The following ARVCF variants were observed in gnomAD, a reference collection of about 807,000 sequenced individuals.
The protein encoded by ARVCF is splicing regulator ARVCF.
A neutral mutation model predicts 90.9 loss-of-function variants in ARVCF; 66 were observed. The observed-to-expected ratio is 0.73, with a 90% confidence interval of 0.60 to 0.89. The LOEUF (loss-of-function observed/expected upper bound fraction) is 0.89, where lower values mean the gene tolerates loss of function less well. Among genes scored for constraint, ARVCF ranks in the 40% least tolerant of loss-of-function variants. The probability of loss-of-function intolerance (pLI) is 0.00; values close to 1 mark genes in which losing one functional copy is unlikely to be tolerated. For synonymous variants in ARVCF, 653 were observed against 603.4 expected (o/e 1.08, Z -1.21); for missense variants, 1,469 against 1,382.3 (o/e 1.06, Z -1.00).
At chr22:19,967,085 G>C, downstream of ARVCF, 1 of 1,239,096 alleles carries the variant, frequency 8.1e-7, no homozygotes, top group South Asian at 1.4e-5. Flanking sequence ...TCGTAAAGGA[G>C]TGGGCCCCTG....
intron 2 of ARVCF, among the ~76,000 whole-genome samples, chr22:19,997,281 G>C (rs1287956769): frequency 6.6e-6 from 1 of 152,160 alleles, no homozygotes; most frequent in African/African-American, 2.4e-5. Flanking sequence ...CAGGTGAGCA[G>C]GCAGGGCAGG....
intron 1 of ARVCF, among the ~76,000 whole-genome samples, chr22:20,011,994 T>C (rs995781424): frequency 6.6e-6 from 1 of 152,050 alleles, no homozygotes; most frequent in African/African-American, 2.4e-5. Context: ...ATACCCCATT[T>C]TACACATGGA....
intron 11 of ARVCF, 61 bp downstream of exon 11, chr22:19,975,624 AC>A: frequency 6.3e-7 from 1 of 1,590,828 alleles, no homozygotes; most frequent in East Asian, 2.2e-5. Context: ...AAGCTTCACT[AC>A]CAGGGCAATC....
chr22:19,979,128 C>A, intron 6 of ARVCF, 48 bp from the exon 7 acceptor site: 1 of 1,575,436 alleles, frequency 6.3e-7, no homozygotes, highest in South Asian at 1.2e-5. Context: ...GCACCGCCTG[C>A]CTACCTCCCC....
intron 3 of ARVCF, among the ~76,000 whole-genome samples, chr22:19,982,748 A>C (rs1414161311): frequency 6.6e-6 from 1 of 152,176 alleles, no homozygotes; most frequent in African/African-American, 2.4e-5. Flanking sequence ...TCCAGCCCAG[A>C]CATTCTTGAG....
chr22:19,971,899 T>G lies in ARVCF; in HGVS notation c.2768A>C (p.Lys923Thr), dbSNP rs377217563. 4 of 1,613,350 alleles carry G rather than the reference T, an allele frequency of 2.5e-6. No individual in the cohort carries two copies. In the South Asian group the frequency reaches 3.3e-5, roughly 13 times the overall value. The change falls in exon 18 of 20, where the codon AAG becomes ACG. Residue 923 changes from lysine (K) to threonine (T), a missense_variant. Physicochemically the swap from Lys to Thr is moderately conservative, Grantham distance 78. Transcript: ENST00000263207. ...GASSAGEASEKEPLKLDPSRK... is the reference protein window; with the variant it reads ...GASSAGEASETEPLKLDPSRK... ...ATGACCACTTACTTTCAAGGGTTCC[T>G]TCTCAGAGGCCTCTCCTGCAGAGCT...
intron 3 of ARVCF, among the ~76,000 whole-genome samples, chr22:19,988,193 A>C (rs1943891317): frequency 6.6e-6 from 1 of 152,140 alleles, no homozygotes; most frequent in Non-Finnish European, 1.5e-5. Flanking sequence ...CCACTCGGCT[A>C]GCATGCTCAA....
intron 1 of ARVCF, among the ~76,000 whole-genome samples, chr22:20,015,671 C>G (rs1400392692): frequency 6.6e-6 from 1 of 152,096 alleles, no homozygotes; most frequent in East Asian, 1.9e-4. Flanking sequence ...TGGCCCATAC[C>G]ATAGGGGAGG....
downstream of ARVCF, chr22:19,965,162 AG>A (rs1232214611): frequency 6.4e-6 from 1 of 155,276 alleles, no homozygotes; most frequent in East Asian, 1.9e-4. Context: ...AGAATGTTCC[AG>A]GAACAATGGG....
chr22:19,980,474 G>T, intron 5 of ARVCF: 1 of 554,532 alleles, frequency 1.8e-6, no homozygotes, highest in East Asian at 3.3e-5. Context: ...CAGGACCCAG[G>T]CAACCCTCCC....
chr22:19,975,699 A>G lies in ARVCF; in HGVS notation c.1947T>C (p.Thr649=). 1 of 1,613,670 alleles carries G rather than the reference A, an allele frequency of 6.2e-7. No individual in the cohort carries two copies. Residue 649 remains threonine, a synonymous_variant, in exon 11 of 20, where the codon ACT becomes ACC. Coordinates refer to ENST00000263207, the MANE Select transcript of ARVCF (RefSeq NM_001670.3). The part of the protein sequence containing the change: ...NFDTLDLPKR[T]EAAKGFELLY... ...CAGCCCACTCACCTTTGGCGGCCTC[A>G]GTTCGCTTGGGCAGGTCTAGCGTGT...
rs747221310 is a variant in ARVCF, at chr22:19,979,880, G to T, written c.1259C>A (p.Ala420Asp). ...DHPRAEVRRRACGALRNLSYG... is the reference protein window; with the variant it reads ...DHPRAEVRRRDCGALRNLSYG... ...GGAGAGGTTGCGCAGTGCCCCACAG[G>T]CCCGGCGCCGCACCTCAGCCCGCGG... Residue 420 changes from alanine (A) to aspartate (D), a missense_variant, in exon 6 of 20, where the codon GCC becomes GAC. Ala to Asp is a moderately radical substitution (Grantham distance 126). Coordinates refer to ENST00000263207, the MANE Select transcript of ARVCF (RefSeq NM_001670.3). 3.1e-6 allele frequency: 5 copies of T among 1,606,434 alleles called. No individual in the cohort carries two copies. In the African/African-American group the frequency reaches 5.3e-5, roughly 17 times the overall value.
At chr22:20,008,239 A>G (rs1944703564) in intron 2 of ARVCF, among the ~76,000 whole-genome samples, 1 of 152,192 alleles carries the variant, frequency 6.6e-6, no homozygotes, top group African/African-American at 2.4e-5. Flanking sequence ...ACGAAGCCGC[A>G]ACCCCCTGCA....
intron 10 of ARVCF, among the ~76,000 whole-genome samples, chr22:19,976,501 G>A (rs1017646524): frequency 6.6e-6 from 1 of 152,170 alleles, no homozygotes; most frequent in African/African-American, 2.4e-5. Flanking sequence ...GCCCACTCTT[G>A]GCTCTGCCCA....
rs771976158 is a variant in ARVCF, at chr22:19,979,902, G to A, written c.1237C>T (p.Arg413Trp). The change falls in exon 6 of 20, where the codon CGG (arginine) becomes TGG (tryptophan). Residue 413 changes from arginine (R) to tryptophan (W), a missense_variant. Arg to Trp is a moderately radical substitution (Grantham distance 101). Transcript: ENST00000263207. ...PLLVALLDHP[R>W]AEVRRRACGA... The stretch of plus-strand genomic sequence containing the variant: ...CAGGCCCGGCGCCGCACCTCAGCCC[G>A]CGGGTGGTCCAGCAGTGCCACAAGC... The A allele has an allele frequency of 3.1e-5, 49 of 1,600,480 alleles. No individual in the cohort carries two copies. Among genetic ancestry groups the A allele is most frequent in the Non-Finnish European group, 3.9e-5 (46 of 1,174,444 alleles).
Position 19,978,940 on chromosome 22 carries a change from C to T in ARVCF, c.1537G>A (p.Ala513Thr), listed in dbSNP as rs1331717847. 6.2e-6 allele frequency: 10 copies of T among 1,613,186 alleles called. No homozygotes were observed. Among genetic ancestry groups the T allele is most frequent in the African/African-American group, 5.3e-5 (4 of 75,032 alleles). ...TTCTTGAAGACAGTTGTCCACTCGG[C>T]GTCCCGTGGCTTGGAGTCCTCGTTG... ...EPNEDSKPRD[A>T]EWTTVFKNTS... is the part of the protein sequence containing the mutation. The change falls in exon 7 of 20, where the codon GCC becomes ACC. Residue 513 changes from alanine to threonine, a missense_variant. Transcript: ENST00000263207.
In ARVCF at chr22:19,977,462, C is replaced by T. The variant is rs755897987; in HGVS notation, c.1823G>A (p.Arg608His). ...GPLGSAVGSQ[R>H]RRRDDASCFG... is the part of the protein sequence containing the mutation. The stretch of plus-strand genomic sequence containing the variant: ...GCAGCTGGCATCATCCCGCCTCCGG[C>T]GCTGGGAGCCTACAGCACTGCCCAG... Residue 608 changes from arginine (R) to histidine (H), a missense_variant, in exon 9 of 20, where the codon CGC becomes CAC. By Grantham distance (29) the Arg-to-His change is conservative. Transcript: ENST00000263207. The T allele has an allele frequency of 1.7e-5, 27 of 1,568,158 alleles. No individual in the cohort carries two copies. Among genetic ancestry groups the T allele is most frequent in the South Asian group, 1.2e-4 (10 of 85,628 alleles).
At position 19,988,494 on chromosome 22, in the gene ARVCF, G is replaced by C. The variant is rs528234881; in HGVS notation, c.210+2091C>G. ...GATGGCACCCCTCCCCACTGGGTGGGCGTCAGCCCTGTTTCAGCTGGCTGT... is the reference window on the plus strand; with the variant it reads ...GATGGCACCCCTCCCCACTGGGTGGCCGTCAGCCCTGTTTCAGCTGGCTGT... On this transcript the variant is annotated intron_variant, in intron 3 of 19. Transcript: ENST00000263207. 3.9e-5 allele frequency among the ~76,000 whole-genome samples: 6 copies of C among 152,256 alleles called. No homozygotes were observed. The East Asian group carries it at 1.2e-3, about 29-fold the overall frequency.
chr22:19,989,377 G>A (rs1443865895), intron 3 of ARVCF, among the ~76,000 whole-genome samples: 1 of 152,142 alleles, frequency 6.6e-6, no homozygotes, highest in South Asian at 2.1e-4. Flanking sequence ...GAAGCATGAC[G>A]CCTGCTGGCC....
Sources: allele counts gnomAD v4.1 joint callset (sites outside exome capture counted in the v4.1 genomes callset), GRCh38; gene constraint gnomAD v4.1.1; transcripts MANE v1.5; gene names NCBI Gene and HGNC (gene_info 2026-07-23, HGNC 2026-07-21).